MINDY4: variants seen among roughly 807,000 people sequenced by gnomAD.
MINDY4 encodes probable ubiquitin carboxyl-terminal hydrolase MINDY-4.
In MINDY4, 68 loss-of-function variants were observed where a neutral mutation model predicts 87.0. The ratio of observed to expected loss-of-function variants is 0.78; its 90% CI spans 0.64 to 0.96. The LOEUF (loss-of-function observed/expected upper bound fraction) is 0.96, where lower values mean the gene tolerates loss of function less well. Ranked by LOEUF, MINDY4 falls within the 40% of genes least tolerant of loss-of-function variation. The probability of loss-of-function intolerance (pLI) is 0.00; values close to 1 mark genes in which losing one functional copy is unlikely to be tolerated. For synonymous variants in MINDY4, 379 were observed against 363.2 expected (o/e 1.04, Z -0.50); for missense variants, 919 against 928.2 (o/e 0.99, Z 0.13).
intron 7 of MINDY4, among the ~76,000 whole-genome samples, chr7:30,838,150 G>A (rs899904882): frequency 3.3e-5 from 5 of 152,164 alleles, no homozygotes; most frequent in Admixed American, 1.3e-4. Flanking sequence ...CCATCATGAG[G>A]GGAGTGGGCG....
Position 30,890,168 on chromosome 7 carries a change from G to A in MINDY4, c.2226-1789G>A, listed in dbSNP as rs73689330. Among the ~76,000 whole-genome samples, 617 of 152,352 alleles carry A rather than the reference G, an allele frequency of 4.0e-3. 4 individuals carry two copies. The highest frequency in any genetic ancestry group is 0.014 in the African/African-American group (581 of 41,584). On this transcript the variant is annotated intron_variant, in intron 17 of 17. Coordinates refer to ENST00000265299, the MANE Select transcript of MINDY4 (RefSeq NM_032222.3). The stretch of plus-strand genomic sequence containing the variant: ...AACAGTGTAACATTCCTGGCTGAGC[G>A]TGTTTTCCAGCATCCACCTGTTTCA...
At chr7:30,804,250 T>G (rs1787739851) in intron 5 of MINDY4, among the ~76,000 whole-genome samples, 1 of 152,240 alleles carries the variant, frequency 6.6e-6, no homozygotes, top group Admixed American at 6.5e-5. Flanking sequence ...CAGAAAATTC[T>G]ACTTTGTTTT....
intron 6 of MINDY4, among the ~76,000 whole-genome samples, chr7:30,836,268 G>A (rs1392854838): frequency 6.6e-6 from 1 of 152,130 alleles, no homozygotes; most frequent in Non-Finnish European, 1.5e-5. Flanking sequence ...ATGATCTTTC[G>A]AGTCATGCCC....
At chr7:30,854,908 T>C (rs560132826) in intron 12 of MINDY4, among the ~76,000 whole-genome samples, 38 of 152,346 alleles carry the variant, frequency 2.5e-4, no homozygotes, top group Middle Eastern at 3.4e-3. Context: ...CCTCAGGGCC[T>C]GTCCCAAAAG....
intron 5 of MINDY4, among the ~76,000 whole-genome samples, chr7:30,794,833 C>A (rs988936006): frequency 6.6e-6 from 1 of 152,124 alleles, no homozygotes; most frequent in African/African-American, 2.4e-5. Context: ...ACTGGGCAGT[C>A]CTCTAACCCT....
At chr7:30,776,985 C>CTTTTCTTTT (rs3076403) in intron 1 of MINDY4, among the ~76,000 whole-genome samples, 2 of 39,142 alleles carry the variant, frequency 5.1e-5, no homozygotes, top group South Asian at 7.9e-4. Context: ...TCTTTTCTTT[C>CTTTTCTTTT]CTTTTCTTCT....
chr7:30,859,264 T>A lies in MINDY4; in HGVS notation c.1685T>A (p.Val562Glu). The change falls in exon 13 of 18, where the codon GTG becomes GAG. Residue 562 changes from valine to glutamate, a missense_variant. Transcript: ENST00000265299. The stretch of plus-strand genomic sequence containing the variant: ...TTTCTCTCCCCCTCCCAGTTTGAAG[T>A]GGGCCCCTATGGCTGCATCCTGCTC... ...FLQQSIHQFE[V>E]GPYGCILLTL... 1 of 1,614,018 alleles carries A rather than the reference T, an allele frequency of 6.2e-7. No homozygotes were observed. Among genetic ancestry groups the A allele is most frequent in the Non-Finnish European group, 8.5e-7 (1 of 1,179,958 alleles).
intron 9 of MINDY4, among the ~76,000 whole-genome samples, chr7:30,843,471 A>G (rs1341804344): frequency 6.6e-6 from 1 of 152,176 alleles, no homozygotes; most frequent in Non-Finnish European, 1.5e-5. Flanking sequence ...TTGCTTTTGA[A>G]CTTCACCGTG....
At chr7:30,851,738 CT>C (rs1789420057) in intron 10 of MINDY4, among the ~76,000 whole-genome samples, 1 of 152,208 alleles carries the variant, frequency 6.6e-6, no homozygotes, top group African/African-American at 2.4e-5. Flanking sequence ...TACACAGCCA[CT>C]AAAGGAGCAC....
chr7:30,888,701 C>G (rs1014565878), intron 17 of MINDY4, among the ~76,000 whole-genome samples: 3 of 152,228 alleles, frequency 2.0e-5, no homozygotes, highest in Middle Eastern at 3.2e-3. Context: ...CATGGCTCAG[C>G]CCTTTCAATT....
At chr7:30,796,003 C>T (rs181021542) in intron 5 of MINDY4, among the ~76,000 whole-genome samples, 44 of 152,290 alleles carry the variant, frequency 2.9e-4, no homozygotes, top group African/African-American at 9.4e-4. Context: ...ACCTTAATCC[C>T]CCCTTGCCAT....
At chr7:30,880,128 G>A (rs1470897956) in intron 15 of MINDY4, among the ~76,000 whole-genome samples, 3 of 152,118 alleles carry the variant, frequency 2.0e-5, no homozygotes, top group African/African-American at 4.8e-5. Flanking sequence ...ATAACTCTAC[G>A]CAAGTAAATG....
chr7:30,836,552 C>T, intron 6 of MINDY4, 106 bp from the exon 7 acceptor site: 1 of 929,682 alleles, frequency 1.1e-6, no homozygotes, highest in Non-Finnish European at 1.7e-6. Flanking sequence ...CCTCCTTTCA[C>T]TCAAACCTTC....
intron 5 of MINDY4, among the ~76,000 whole-genome samples, chr7:30,827,376 G>A (rs552820739): frequency 6.6e-6 from 1 of 152,156 alleles, no homozygotes; most frequent in African/African-American, 2.4e-5. Context: ...CAGAGCAGGC[G>A]GAGGTGGGAG....
intron 5 of MINDY4, among the ~76,000 whole-genome samples, chr7:30,792,089 T>A (rs887957391): frequency 5.3e-5 from 8 of 152,170 alleles, no homozygotes; most frequent in African/African-American, 1.9e-4. Context: ...CAGTGATGAA[T>A]CAGCTCCCAC....
chr7:30,872,409 T>C, intron 14 of MINDY4, 103 bp downstream of exon 14: 1 of 1,084,944 alleles, frequency 9.2e-7, no homozygotes, highest in African/African-American at 1.6e-5. Flanking sequence ...AGACAAGTCT[T>C]TCTTGCCTCT....
chr7:30,801,703 T>C (rs1458651370), intron 5 of MINDY4, among the ~76,000 whole-genome samples: 1 of 152,142 alleles, frequency 6.6e-6, no homozygotes, highest in Non-Finnish European at 1.5e-5. Flanking sequence ...CCCCTAAACC[T>C]TGTGTGGTTA....
chr7:30,819,624 T>G (rs980990762), intron 5 of MINDY4, among the ~76,000 whole-genome samples: 1 of 152,172 alleles, frequency 6.6e-6, no homozygotes, highest in Non-Finnish European at 1.5e-5. Flanking sequence ...TCCTCGTAGT[T>G]CTGTCAAATT....
At chr7:30,863,808 C>T (rs1415381231) in intron 13 of MINDY4, among the ~76,000 whole-genome samples, 2 of 152,200 alleles carry the variant, frequency 1.3e-5, no homozygotes, top group Non-Finnish European at 2.9e-5. Context: ...GATTTCAAGC[C>T]GTTTATTTTC....
Sources: allele counts gnomAD v4.1 joint callset (sites outside exome capture counted in the v4.1 genomes callset), GRCh38; gene constraint gnomAD v4.1.1; transcripts MANE v1.5; gene names NCBI Gene and HGNC (gene_info 2026-07-23, HGNC 2026-07-21).